SLC25A24: variants seen among roughly 807,000 people sequenced by gnomAD.
The protein encoded by SLC25A24 is solute carrier family 25 member 24, also known as mitochondrial adenyl nucleotide antiporter SLC25A24.
In SLC25A24, 49 loss-of-function variants were observed where a neutral mutation model predicts 60.7. That is an observed-to-expected ratio of 0.81 (90% CI 0.64 to 1.02). The LOEUF (loss-of-function observed/expected upper bound fraction) is 1.02, where lower values mean the gene tolerates loss of function less well. Ranked by LOEUF, SLC25A24 falls within the 50% of genes least tolerant of loss-of-function variation. The pLI, the probability that SLC25A24 is intolerant of heterozygous loss-of-function variation, is 0.00. For synonymous variants in SLC25A24, 202 were observed against 200.6 expected, an observed-to-expected ratio of 1.01 and a Z score of -0.06; for missense variants, 564 against 586.3, an observed-to-expected ratio of 0.96 and a Z score of 0.39.
At chr1:108,191,168 C>T (rs1206676681) in intron 1 of SLC25A24, among the ~76,000 whole-genome samples, 1 of 137,922 alleles carries the variant, frequency 7.3e-6, no homozygotes, top group Admixed American at 8.2e-5. Flanking sequence ...GATGGAGTCT[C>T]ACTCTGTCAC....
In SLC25A24 at chr1:108,143,598, A is replaced by T. The variant is rs745593253; in HGVS notation, c.1043T>A (p.Val348Asp). ...AGGTATGATACCTAATAAATTGGGA[A>T]CATAGCCTTTGTAAAAAGCTCCCAA... ...EGLGAFYKGY[V>D]PNLLGIIPYA... is the part of the protein sequence containing the mutation. Residue 348 changes from valine (V) to aspartate (D), a missense_variant, in exon 8 of 10, where the codon GTT (valine) becomes GAT (aspartate). By Grantham distance (152) the Val-to-Asp change is radical. Coordinates refer to ENST00000565488, the MANE Select transcript of SLC25A24 (RefSeq NM_013386.5). 6.2e-7 allele frequency: 1 copy of T among 1,613,804 alleles called. No homozygotes were observed. The highest frequency in any genetic ancestry group is 8.5e-7 in the Non-Finnish European group (1 of 1,179,724).
At chr1:108,163,568 G>A (rs918489818) in intron 3 of SLC25A24, among the ~76,000 whole-genome samples, 24 of 152,212 alleles carry the variant, frequency 1.6e-4, no homozygotes, top group Middle Eastern at 3.4e-3. Flanking sequence ...TTGTGAACGG[G>A]AGTTCACTCA....
At chr1:108,151,496 T>C (rs6659201) in intron 6 of SLC25A24, among the ~76,000 whole-genome samples, 76,581 of 152,006 alleles carry the variant, frequency 0.5, 19,836 homozygotes, top group African/African-American at 0.62. Flanking sequence ...TACCCAGTAG[T>C]ACTGACCCCC....
intron 1 of SLC25A24, among the ~76,000 whole-genome samples, chr1:108,198,091 G>A (rs193286104): frequency 6.6e-6 from 1 of 152,252 alleles, no homozygotes; most frequent in Admixed American, 6.5e-5. Context: ...TTGTGACACA[G>A]CAGGAAAGCC....
intron 8 of SLC25A24, 70 bp from the exon 9 acceptor site, chr1:108,139,278 T>C: frequency 6.9e-7 from 1 of 1,447,626 alleles, no homozygotes. Flanking sequence ...TTCACAGCTA[T>C]TCTCAACCTC....
intron 3 of SLC25A24, among the ~76,000 whole-genome samples, chr1:108,165,752 G>A (rs994919287): frequency 2.6e-5 from 4 of 152,104 alleles, no homozygotes; most frequent in African/African-American, 9.7e-5. Context: ...TATCCAATTT[G>A]CCAGTCTGTG....
At chr1:108,162,302 T>C in intron 3 of SLC25A24, among the ~76,000 whole-genome samples, 7 of 146,058 alleles carry the variant, frequency 4.8e-5, no homozygotes, top group African/African-American at 7.8e-5. Flanking sequence ...CCTTTGGGTA[T>C]ATACCCAGTA....
chr1:108,165,762 G>A (rs1005038414), intron 3 of SLC25A24, among the ~76,000 whole-genome samples: 1 of 152,158 alleles, frequency 6.6e-6, no homozygotes, highest in Non-Finnish European at 1.5e-5. Context: ...GCCAGTCTGT[G>A]TCTTTTAATT....
At position 108,185,868 on chromosome 1, in the gene SLC25A24, T is replaced by C. The variant is rs775089121; in HGVS notation, c.270A>G (p.Lys90=). The C allele has an allele frequency of 1.3e-6, 2 of 1,589,274 alleles. No homozygotes were observed. The highest frequency in any genetic ancestry group is 1.7e-6 in the Non-Finnish European group (2 of 1,162,204). The change falls in exon 2 of 10, where the codon AAA becomes AAG. Residue 90 remains lysine (K), a synonymous_variant. Transcript: ENST00000565488. ...FMKYLKDHEK[K]MKLAFKSLDK... is the part of the protein sequence containing the mutation. ...CTAAACTCTTAAATGCCAATTTCAT[T>C]TTCTTCTCATGGTCTTTAAGGTACT... is the stretch of plus-strand genomic sequence containing the variant.
At chr1:108,159,212 C>A (rs1679986555) in intron 4 of SLC25A24, among the ~76,000 whole-genome samples, 1 of 152,070 alleles carries the variant, frequency 6.6e-6, no homozygotes, top group Admixed American at 6.5e-5. Flanking sequence ...GATTCTGTAA[C>A]CTTTAATGAA....
chr1:108,156,354 A>G (rs1256086075), intron 5 of SLC25A24, among the ~76,000 whole-genome samples: 4 of 152,240 alleles, frequency 2.6e-5, no homozygotes, highest in Non-Finnish European at 5.9e-5. Context: ...AGAGAAATCC[A>G]TTTTATTTTA....
chr1:108,192,779 G>A, intron 1 of SLC25A24: 1 of 1,316,758 alleles, frequency 7.6e-7, no homozygotes, highest in Non-Finnish European at 9.8e-7. Flanking sequence ...ACCTTCATCG[G>A]TTAAAGCTCT....
At chr1:108,180,797 T>C (rs1380057754) in intron 3 of SLC25A24, among the ~76,000 whole-genome samples, 3 of 152,196 alleles carry the variant, frequency 2.0e-5, no homozygotes, top group Non-Finnish European at 2.9e-5. Flanking sequence ...TAAATTTCCA[T>C]TGTTTAATGC....
At chr1:108,167,578 C>G (rs1647238977) in intron 3 of SLC25A24, among the ~76,000 whole-genome samples, 1 of 152,236 alleles carries the variant, frequency 6.6e-6, no homozygotes, top group Admixed American at 6.5e-5. Flanking sequence ...TCACCCCTTT[C>G]TTTGACTAGG....
chr1:108,155,062 CG>C lies in SLC25A24; in HGVS notation c.742del (p.Arg248AlafsTer39). The C allele has an allele frequency of 1.2e-6, 2 of 1,612,116 alleles. No homozygotes were observed. Among genetic ancestry groups the C allele is most frequent in the Non-Finnish European group, 1.7e-6 (2 of 1,178,792 alleles). On this transcript the variant is annotated frameshift_variant, in exon 6 of 10. Transcript: ENST00000565488. LOFTEE classifies it high-confidence loss of function. ...TGTACCATTTCCCCTCCAAAGCGAGCGGATACCTCCTTCTTTTACCATCTGT... is the reference window on the plus strand; with the variant it reads ...TGTACCATTTCCCCTCCAAAGCGAGCGATACCTCCTTCTTTTACCATCTGT... ...FRQMVKEGGI[R>X]SLWRGNGTNV...
rs914411345 is a variant in SLC25A24, at chr1:108,200,115, G to C, written c.24C>G (p.Phe8Leu). ...CCTGGCAGGCCGCGGTGGGCAGCAC[G>C]AAGTCCCGCAGCCAGCGCAACATGG... MLRWLRDFVLPTAACQDA... is the reference protein window; with the variant it reads MLRWLRDLVLPTAACQDA... Residue 8 changes from phenylalanine (F) to leucine (L), a missense_variant, in exon 1 of 10, where the codon TTC becomes TTG. Phe to Leu is a conservative substitution (Grantham distance 22). Transcript: ENST00000565488. The C allele has an allele frequency of 3.2e-6, 5 of 1,563,028 alleles. No individual in the cohort carries two copies. Among genetic ancestry groups the C allele is most frequent in the Non-Finnish European group, 4.3e-6 (5 of 1,155,250 alleles).
At chr1:108,190,270 T>C (rs907691680) in intron 1 of SLC25A24, among the ~76,000 whole-genome samples, 71 of 152,250 alleles carry the variant, frequency 4.7e-4, no homozygotes, top group African/African-American at 1.6e-3. Context: ...GGCACCCTAT[T>C]TGATTAGTAG....
intron 1 of SLC25A24, among the ~76,000 whole-genome samples, chr1:108,196,799 G>T (rs960201950): frequency 1.4e-5 from 2 of 144,262 alleles, no homozygotes; most frequent in African/African-American, 5.3e-5. Context: ...ATTCATGAAG[G>T]CTCCACAGGA....
At chr1:108,188,758 T>TG (rs1648235744) in intron 1 of SLC25A24, among the ~76,000 whole-genome samples, 1 of 152,166 alleles carries the variant, frequency 6.6e-6, no homozygotes, top group Admixed American at 6.5e-5. Flanking sequence ...AGAAAAGGTT[T>TG]GGGGGCGGAT....
Sources: allele counts gnomAD v4.1 joint callset (sites outside exome capture counted in the v4.1 genomes callset), GRCh38; gene constraint gnomAD v4.1.1; transcripts MANE v1.5; gene names NCBI Gene and HGNC (gene_info 2026-07-23, HGNC 2026-07-21).